FTCD: variants seen among roughly 807,000 people sequenced by gnomAD.
The protein encoded by FTCD is formimidoyltransferase-cyclodeaminase.
A neutral mutation model predicts 62.9 loss-of-function variants in FTCD; 76 were observed. The observed-to-expected ratio is 1.21, with a 90% CI of 1.00 to 1.46. FTCD has a LOEUF of 1.46. FTCD is among the 40% of genes most tolerant of loss of function. The pLI, the probability that FTCD is intolerant of heterozygous loss-of-function variation, is 0.00. For missense variants in FTCD, 845 were observed against 751.3 expected, an observed-to-expected ratio of 1.12 and a Z score of -1.46; for synonymous variants, 397 against 336.9, an observed-to-expected ratio of 1.18 and a Z score of -1.95.
intron 3 of FTCD, 182 bp from the exon 4 acceptor site, chr21:46,152,162 T>TG: frequency 1.7e-6 from 1 of 576,234 alleles, no homozygotes; most frequent in South Asian, 2.3e-5. Context: ...GGACCCTCAG[T>TG]GTGGGCCAGC....
At chr21:46,139,114 G>T (rs778072438) in intron 10 of FTCD, 191 bp from the exon 11 acceptor site, 3 of 629,130 alleles carry the variant, frequency 4.8e-6, no homozygotes, top group East Asian at 5.5e-5. Context: ...GGGTAGGGGG[G>T]GTCGGGGCAC....
rs1033012534 is a variant in FTCD, at chr21:46,145,907, T to C, written c.1009A>G (p.Ser337Gly). ...PERGPERGLG[S>G]KSLRAFVGEV... is the part of the protein sequence containing the mutation. ...CCCACGAAGGCGCGCAGGGACTTGC[T>C]GCCCAGGCCTCGCTCAGGCCCGCGC... The change falls in exon 9 of 14, where the codon AGC becomes GGC. Residue 337 changes from serine to glycine, a missense_variant. Ser to Gly is a moderately conservative substitution (Grantham distance 56). Transcript: ENST00000397746. 144 of 1,496,992 alleles carry C rather than the reference T, an allele frequency of 9.6e-5. No individual in the cohort carries two copies. The highest frequency in any genetic ancestry group is 1.2e-4 in the Non-Finnish European group (134 of 1,130,660). The allele number at this position is 1,496,992 out of a possible 1,614,324, so 92.7% of individuals were successfully genotyped here. A position where few individuals can be genotyped will look rare whatever the true frequency, so the allele number is the denominator to read the frequency against.
At chr21:46,143,337 T>G in intron 10 of FTCD, among the ~76,000 whole-genome samples, 1 of 131,982 alleles carries the variant, frequency 7.6e-6, no homozygotes. Context: ...CCTCCCTCTC[T>G]CCCCACTCCC....
Position 46,137,057 on chromosome 21 carries a change from G to C in FTCD, c.1556C>G (p.Ser519Cys). ...AFKDQIHHRV[S>C]SLLQEAKTQA... ...GGTCTTGGCTTCCTGCAGGAGGCTG[G>C]AAACACGATGGTGGATCTGATGGAC... is the stretch of plus-strand genomic sequence containing the variant. The change falls in exon 14 of 14, where the codon TCC becomes TGC. Residue 519 changes from serine (S) to cysteine (C), a missense_variant. Coordinates refer to ENST00000397746, the MANE Select transcript of FTCD (RefSeq NM_206965.2). 1 of 1,613,816 alleles carries C rather than the reference G, an allele frequency of 6.2e-7. No homozygotes were observed. The highest frequency in any genetic ancestry group is 8.5e-7 in the Non-Finnish European group (1 of 1,180,010).
intron 2 of FTCD, among the ~76,000 whole-genome samples, chr21:46,153,698 T>C (rs1249515475): frequency 6.6e-6 from 1 of 152,202 alleles, no homozygotes; most frequent in Non-Finnish European, 1.5e-5. Context: ...GCCCAGCCCC[T>C]GGCCAGCGCC....
chr21:46,136,370 G>T (rs538433909), downstream of FTCD: 3,146 of 1,467,494 alleles, frequency 2.1e-3, 7 homozygotes, highest in Non-Finnish European at 2.9e-3. Context: ...CTGGTTGAAG[G>T]GTGGACGGGA....
rs1002315981 is a variant in FTCD, at chr21:46,137,454, C to G, written c.1444-120G>C. Reference sequence around the variant, plus strand: ...TTCGTCCTCCTCCTCACAAGGAGCCCAGCGCAGCCCCCGCTTTCGCCCCAC... The same window carrying G: ...TTCGTCCTCCTCCTCACAAGGAGCCGAGCGCAGCCCCCGCTTTCGCCCCAC... On this transcript the variant is annotated intron_variant, in intron 12 of 13. Transcript: ENST00000397746. The G allele has an allele frequency of 3.8e-6, 3 of 797,588 alleles. No homozygotes were observed. In the South Asian group the frequency reaches 4.1e-5, roughly 11 times the overall value. The allele number at this position is 797,588 out of a possible 1,614,324, so 49.4% of individuals were successfully genotyped here. A position where few individuals can be genotyped will look rare whatever the true frequency, so the allele number is the denominator to read the frequency against.
At chr21:46,145,314 C>T (rs567694618) in intron 10 of FTCD, 103 bp downstream of exon 10, 3 of 995,510 alleles carry the variant, frequency 3.0e-6, no homozygotes, top group South Asian at 3.1e-5. Context: ...CTCCTGGTCC[C>T]CAGCCCCTCC....
In FTCD at chr21:46,151,856, C is replaced by A. The variant is rs779080738; in HGVS notation, c.456+36G>T. 5 of 1,556,860 alleles carry A rather than the reference C, an allele frequency of 3.2e-6. No individual in the cohort carries two copies. The South Asian group carries it at 5.8e-5, about 18-fold the overall frequency. On this transcript the variant is annotated intron_variant, in intron 4 of 13. Coordinates refer to ENST00000397746, the MANE Select transcript of FTCD (RefSeq NM_206965.2). Reference sequence around the variant, plus strand: ...AGCCAGGACAAAGGGGCAGGTCCACCTCCTTCCCAGGCCCGACCGCCCGGG... The same window carrying A: ...AGCCAGGACAAAGGGGCAGGTCCACATCCTTCCCAGGCCCGACCGCCCGGG...
chr21:46,139,024 C>T, intron 10 of FTCD, 101 bp from the exon 11 acceptor site: 1 of 902,660 alleles, frequency 1.1e-6, no homozygotes. Context: ...ATGTCCCAGG[C>T]AGGGACCAGT....
intron 12 of FTCD, among the ~76,000 whole-genome samples, chr21:46,138,253 C>T (rs2078914260): frequency 6.6e-6 from 1 of 152,192 alleles, no homozygotes; most frequent in Non-Finnish European, 1.5e-5. Flanking sequence ...GGGGAGTATA[C>T]ACTTATACAG....
At chr21:46,136,476 C>T (rs2078869463), downstream of FTCD, 1 of 1,612,516 alleles carries the variant, frequency 6.2e-7, no homozygotes. Context: ...CGTCGAAGGT[C>T]CTGCTGTCCC....
chr21:46,140,031 G>A lies in FTCD; in HGVS notation c.1261-1108C>T, dbSNP rs117209226. Among the ~76,000 whole-genome samples, 1,306 of 152,288 alleles carry A rather than the reference G, an allele frequency of 8.6e-3. 24 individuals carry two copies. The highest frequency in any genetic ancestry group is 0.017 in the Middle Eastern group (5 of 294). ...CGTGAGGCTTGGTTGTGTTGGTGGT[G>A]GGGAAATACAGTTTTCTATTCCATC... is the stretch of plus-strand genomic sequence containing the variant. On this transcript the variant is annotated intron_variant, in intron 10 of 13. Coordinates refer to ENST00000397746, the MANE Select transcript of FTCD (RefSeq NM_206965.2).
rs1568966636 is a variant in FTCD at position 46,142,317 on chromosome 21, C to CCAT, written c.1260+3099_1260+3100insATG. ...CGCGTCGGGAGCTGTTTCTTCCTCC[C>CCAT]GGTGAGGCCGCAGACCTTCACAGTG... On this transcript the variant is annotated intron_variant, in intron 10 of 13. Coordinates refer to ENST00000397746, the MANE Select transcript of FTCD (RefSeq NM_206965.2). The CCAT allele has an allele frequency of 6.0e-5, 9 of 150,528 alleles. 1 individual carries two copies. Among genetic ancestry groups the CCAT allele is most frequent in the African/African-American group, 2.0e-4 (8 of 40,662 alleles). 9.3% of individuals were successfully genotyped at this position (150,528 alleles called of 1,614,324 possible).
chr21:46,146,914 G>A (rs7282864), intron 7 of FTCD: 14,520 of 153,466 alleles, frequency 0.095, 807 homozygotes, highest in South Asian at 0.21. Flanking sequence ...GCAGCCGGGC[G>A]GGGTGGAGAG....
intron 4 of FTCD, 58 bp from the exon 5 acceptor site, chr21:46,151,795 G>C: frequency 6.2e-7 from 1 of 1,600,008 alleles, no homozygotes; most frequent in East Asian, 2.2e-5. Flanking sequence ...CAGCCCCCCG[G>C]GGTCCCGGGA....
Position 46,151,641 on chromosome 21 carries a change from A to T in FTCD, c.553T>A (p.Phe185Ile), listed in dbSNP as rs2079278107. Residue 185 changes from phenylalanine (F) to isoleucine (I), a missense_variant, in exon 5 of 14, where the codon TTT (phenylalanine) becomes ATT (isoleucine). By Grantham distance (21) the Phe-to-Ile change is conservative. Coordinates refer to ENST00000397746, the MANE Select transcript of FTCD (RefSeq NM_206965.2). ...ATGARKFLIAFNINLLGTKEQ... is the reference protein window; with the variant it reads ...ATGARKFLIAININLLGTKEQ... Reference sequence around the variant, plus strand: ...TTTGTGCCGAGCAGGTTGATGTTAAAAGCAATGAGGAACTTCCTCGCCCCC... The same window carrying T: ...TTTGTGCCGAGCAGGTTGATGTTAATAGCAATGAGGAACTTCCTCGCCCCC... The T allele has an allele frequency of 6.2e-7, 1 of 1,612,972 alleles. No homozygotes were observed. Among genetic ancestry groups the T allele is most frequent in the African/African-American group, 1.3e-5 (1 of 74,942 alleles).
intron 10 of FTCD, among the ~76,000 whole-genome samples, chr21:46,144,143 A>G (rs2079074451): frequency 6.6e-6 from 1 of 151,754 alleles, no homozygotes; most frequent in South Asian, 2.1e-4. Context: ...ATCATTAAAG[A>G]TGACTCACAC....
At chr21:46,152,259 C>T (rs535326652) in intron 3 of FTCD, 87 of 427,856 alleles carry the variant, frequency 2.0e-4, no homozygotes, top group East Asian at 6.0e-4. Flanking sequence ...AACGGCAGGA[C>T]GTTCATGCTT....
Sources: allele counts gnomAD v4.1 joint callset (sites outside exome capture counted in the v4.1 genomes callset), GRCh38; gene constraint gnomAD v4.1.1; transcripts MANE v1.5; gene names NCBI Gene and HGNC (gene_info 2026-07-23, HGNC 2026-07-21).